Variants in COL23A1 observed in about 807,000 individuals in gnomAD.
The protein encoded by COL23A1 is collagen type XXIII alpha 1 chain.
A neutral mutation model predicts 99.3 loss-of-function variants in COL23A1; 97 were observed. The observed-to-expected ratio is 0.98, with a 90% CI of 0.83 to 1.16. COL23A1 has a LOEUF of 1.16. COL23A1 is among the 50% of genes most tolerant of loss of function. The pLI is 0.00. For missense variants in COL23A1, 762 were observed against 757.4 expected (o/e 1.01, Z -0.07); for synonymous variants, 320 against 308.2 (o/e 1.04, Z -0.40).
At chr5:178,312,772 C>G (rs915487409) in intron 2 of COL23A1, among the ~76,000 whole-genome samples, 9 of 151,828 alleles carry the variant, frequency 5.9e-5, no homozygotes, top group Non-Finnish European at 1.2e-4. Flanking sequence ...CAGCCCAACC[C>G]TGATCCTCCC....
intron 5 of COL23A1, among the ~76,000 whole-genome samples, chr5:178,274,694 G>C (rs545728435): frequency 2.6e-5 from 4 of 152,264 alleles, no homozygotes; most frequent in Admixed American, 2.0e-4. Context: ...AAGGAAAGTA[G>C]CTCGGGGAGG....
Position 178,238,005 on chromosome 5 carries a change from C to G in COL23A1, c.*693G>C, listed in dbSNP as rs1437921012. ...AGGCTGGGCCCCTCCATCCTCGACACTCTGCTCCCTGGAGCTGGGTCCACA... is the reference window on the plus strand; with the variant it reads ...AGGCTGGGCCCCTCCATCCTCGACAGTCTGCTCCCTGGAGCTGGGTCCACA... On this transcript the variant is annotated 3_prime_UTR_variant, in exon 29 of 29. Transcript: ENST00000390654. 6.5e-6 allele frequency: 1 copy of G among 153,266 alleles called. No homozygotes were observed. Among genetic ancestry groups the G allele is most frequent in the Non-Finnish European group, 1.5e-5 (1 of 68,468 alleles). The allele number at this position is 153,266 out of a possible 1,614,324, so 9.5% of individuals were successfully genotyped here.
At chr5:178,576,259 C>G (rs1331357647) in intron 1 of COL23A1, among the ~76,000 whole-genome samples, 1 of 152,070 alleles carries the variant, frequency 6.6e-6, no homozygotes, top group Non-Finnish European at 1.5e-5. Flanking sequence ...TTTTTTTAGA[C>G]GGAGTCTCAC....
At chr5:178,358,403 ATGTGTGTATG>A (rs1761930740) in intron 2 of COL23A1, among the ~76,000 whole-genome samples, 1 of 106,240 alleles carries the variant, frequency 9.4e-6, no homozygotes, top group Non-Finnish European at 2.1e-5. Context: ...GTGTATGTGT[ATGTGTGTATG>A]TGTATGTGTG....
At chr5:178,560,839 T>C in intron 1 of COL23A1, 91 bp from the exon 2 acceptor site, 3 of 1,289,828 alleles carry the variant, frequency 2.3e-6, no homozygotes, top group Middle Eastern at 1.9e-4. Flanking sequence ...CAAAAACAAA[T>C]GTATCTAAAC....
intron 16 of COL23A1, among the ~76,000 whole-genome samples, chr5:178,253,106 T>C (rs1765119175): frequency 6.6e-6 from 1 of 151,590 alleles, no homozygotes; most frequent in Non-Finnish European, 1.5e-5. Context: ...GTCTCCAGTG[T>C]TTCCAGGTCC....
intron 2 of COL23A1, among the ~76,000 whole-genome samples, chr5:178,486,272 C>A (rs940083479): frequency 2.0e-5 from 3 of 152,160 alleles, no homozygotes; most frequent in African/African-American, 7.2e-5. Context: ...CAGTGGGTGA[C>A]GTGTTCAAGC....
intron 2 of COL23A1, among the ~76,000 whole-genome samples, chr5:178,432,550 A>G (rs777786616): frequency 3.0e-4 from 45 of 152,294 alleles, no homozygotes; most frequent in Admixed American, 2.0e-3. Flanking sequence ...GGTCTGTCAC[A>G]TGGAGCAGAG....
At chr5:178,451,178 G>C (rs1343332656) in intron 2 of COL23A1, among the ~76,000 whole-genome samples, 1 of 152,076 alleles carries the variant, frequency 6.6e-6, no homozygotes, top group African/African-American at 2.4e-5. Context: ...TTTAAGAACT[G>C]GTATTTTCAA....
intron 2 of COL23A1, among the ~76,000 whole-genome samples, chr5:178,556,004 G>A (rs371175151): frequency 2.0e-5 from 3 of 152,340 alleles, no homozygotes; most frequent in East Asian, 3.9e-4. Context: ...AAAGCACGAG[G>A]AAGTCAGACA....
At chr5:178,472,629 C>T (rs1021679706) in intron 2 of COL23A1, among the ~76,000 whole-genome samples, 8 of 150,230 alleles carry the variant, frequency 5.3e-5, no homozygotes, top group Admixed American at 3.3e-4. Flanking sequence ...CTAATTTCCA[C>T]CCCTTAAAGG....
chr5:178,372,465 G>C (rs1762849798), intron 2 of COL23A1, among the ~76,000 whole-genome samples: 1 of 152,246 alleles, frequency 6.6e-6, no homozygotes, highest in South Asian at 2.1e-4. Context: ...GGAAAAAACA[G>C]GGCTGGAGAA....
intron 8 of COL23A1, among the ~76,000 whole-genome samples, chr5:178,266,345 A>G (rs1561806623): frequency 6.6e-6 from 1 of 151,860 alleles, no homozygotes; most frequent in Non-Finnish European, 1.5e-5. Flanking sequence ...CCGGCCATTA[A>G]GCCACTAAAC....
intron 2 of COL23A1, among the ~76,000 whole-genome samples, chr5:178,524,684 C>A (rs1219078381): frequency 1.3e-5 from 2 of 152,160 alleles, no homozygotes; most frequent in African/African-American, 4.8e-5. Context: ...GCCACGCTGA[C>A]CCGAGGCAGG....
intron 4 of COL23A1, among the ~76,000 whole-genome samples, chr5:178,289,732 T>C (rs921580976): frequency 3.3e-5 from 5 of 152,188 alleles, no homozygotes; most frequent in African/African-American, 1.2e-4. Context: ...GGTGCTAGCA[T>C]TTCCGTGTAC....
intron 2 of COL23A1, among the ~76,000 whole-genome samples, chr5:178,344,642 C>CA (rs200724984): frequency 0.14 from 21,185 of 146,260 alleles, 1,596 homozygotes; most frequent in Middle Eastern, 0.22. Flanking sequence ...GATTCTGTCT[C>CA]AAAAAAAAAA....
intron 2 of COL23A1, among the ~76,000 whole-genome samples, chr5:178,517,598 G>A (rs1022047900): frequency 9.0e-6 from 1 of 110,850 alleles, no homozygotes; most frequent in East Asian, 2.8e-4. Context: ...GTCTCACTCT[G>A]TCGCCCAGTC....
chr5:178,465,278 C>T (rs1389399876), intron 2 of COL23A1, among the ~76,000 whole-genome samples: 2 of 152,124 alleles, frequency 1.3e-5, no homozygotes, highest in Non-Finnish European at 1.5e-5. Context: ...GATCCTGCAG[C>T]GAGCTCTGGG....
At chr5:178,343,812 G>C (rs1471248964) in intron 2 of COL23A1, among the ~76,000 whole-genome samples, 1 of 151,878 alleles carries the variant, frequency 6.6e-6, no homozygotes, top group Non-Finnish European at 1.5e-5. Context: ...ACAGGTGCAC[G>C]CCACCACGGC....
Sources: allele counts gnomAD v4.1 joint callset (sites outside exome capture counted in the v4.1 genomes callset), GRCh38; gene constraint gnomAD v4.1.1; transcripts MANE v1.5; gene names NCBI Gene and HGNC (gene_info 2026-07-23, HGNC 2026-07-21).